Variants in ARHGAP15 observed in about 807,000 individuals in gnomAD.
The protein encoded by ARHGAP15 is Rho GTPase activating protein 15.
A neutral mutation model predicts 63.7 loss-of-function variants in ARHGAP15; 51 were observed. The observed-to-expected ratio is 0.80, with a 90% CI of 0.64 to 1.01. The LOEUF is 1.01. Ranked by LOEUF, ARHGAP15 falls within the 50% of genes least tolerant of loss-of-function variation. The pLI, the probability that ARHGAP15 is intolerant of heterozygous loss-of-function variation, is 0.00. For missense variants in ARHGAP15, 560 were observed against 564.6 expected (o/e 0.99, Z 0.08); for synonymous variants, 191 against 193.8 (o/e 0.99, Z 0.12).
At chr2:143,273,691 T>C (rs1461502220) in intron 6 of ARHGAP15, among the ~76,000 whole-genome samples, 1 of 152,160 alleles carries the variant, frequency 6.6e-6, no homozygotes, top group East Asian at 1.9e-4. Context: ...ATTTGTACAA[T>C]TTTTTAATTT....
intron 11 of ARHGAP15, chr2:143,607,559 G>A (rs1445097141): frequency 6.6e-6 from 1 of 151,684 alleles, no homozygotes; most frequent in African/African-American, 2.4e-5. Flanking sequence ...GAGAGAGAGA[G>A]AGAGAGAGAG....
intron 2 of ARHGAP15, among the ~76,000 whole-genome samples, chr2:143,181,831 C>T (rs1691246087): frequency 6.6e-6 from 1 of 152,152 alleles, no homozygotes; most frequent in South Asian, 2.1e-4. Context: ...TTTTAATTTC[C>T]TTCAATAACT....
chr2:143,402,712 A>G (rs1032282933), intron 6 of ARHGAP15, among the ~76,000 whole-genome samples: 15 of 151,866 alleles, frequency 9.9e-5, no homozygotes, highest in African/African-American at 3.4e-4. Flanking sequence ...AAAAAGATTT[A>G]CAAAATCACA....
chr2:143,639,092 C>T (rs1680483133), intron 12 of ARHGAP15, among the ~76,000 whole-genome samples: 1 of 151,960 alleles, frequency 6.6e-6, no homozygotes, highest in East Asian at 1.9e-4. Flanking sequence ...TACTCTTAAC[C>T]ACACAACTGT....
intron 12 of ARHGAP15, among the ~76,000 whole-genome samples, chr2:143,669,892 G>A (rs745829040): frequency 3.9e-5 from 6 of 152,152 alleles, no homozygotes; most frequent in Non-Finnish European, 8.8e-5. Context: ...CAAAATGGAG[G>A]CAAAAGGGCA....
intron 6 of ARHGAP15, among the ~76,000 whole-genome samples, chr2:143,399,388 C>A (rs958678344): frequency 6.6e-6 from 1 of 151,822 alleles, no homozygotes; most frequent in Admixed American, 6.6e-5. Flanking sequence ...CCCTTCTTGG[C>A]AGCTTTGCTT....
At chr2:143,468,417 G>T (rs1456224465) in intron 8 of ARHGAP15, among the ~76,000 whole-genome samples, 3 of 152,046 alleles carry the variant, frequency 2.0e-5, no homozygotes, top group Non-Finnish European at 4.4e-5. Context: ...TGAACATAAG[G>T]TGAATATGGC....
intron 12 of ARHGAP15, among the ~76,000 whole-genome samples, chr2:143,682,474 G>C (rs557639684): frequency 6.6e-6 from 1 of 152,076 alleles, no homozygotes; most frequent in Non-Finnish European, 1.5e-5. Context: ...GCAAAAACAT[G>C]ATTACATATA....
At chr2:143,662,297 C>A (rs1242024889) in intron 12 of ARHGAP15, among the ~76,000 whole-genome samples, 1 of 150,192 alleles carries the variant, frequency 6.7e-6, no homozygotes, top group African/African-American at 2.4e-5. Flanking sequence ...CACCCCCCAG[C>A]AGGGGCACAC....
intron 11 of ARHGAP15, among the ~76,000 whole-genome samples, chr2:143,591,164 G>T (rs1430305052): frequency 6.6e-6 from 1 of 152,020 alleles, no homozygotes; most frequent in Non-Finnish European, 1.5e-5. Flanking sequence ...TATACATTTG[G>T]TGCTTAACTC....
intron 6 of ARHGAP15, among the ~76,000 whole-genome samples, chr2:143,319,201 C>A (rs892882330): frequency 3.3e-5 from 5 of 150,518 alleles, no homozygotes; most frequent in African/African-American, 9.8e-5. Context: ...TTGTGCATGG[C>A]AAAAGATTTT....
intron 8 of ARHGAP15, among the ~76,000 whole-genome samples, chr2:143,473,110 AT>A (rs1691658842): frequency 6.6e-6 from 1 of 152,230 alleles, no homozygotes; most frequent in South Asian, 2.1e-4. Context: ...TTCCAACAAC[AT>A]TTTATTTCTT....
intron 8 of ARHGAP15, among the ~76,000 whole-genome samples, chr2:143,463,832 T>A (rs574750952): frequency 1.6e-4 from 25 of 152,336 alleles, no homozygotes; most frequent in African/African-American, 5.8e-4. Context: ...ATTGAATGAC[T>A]AGGCTATATA....
In ARHGAP15 at chr2:143,442,658, TA is replaced by T. The variant is rs1487791819; in HGVS notation, c.703+5617del. Among the ~76,000 whole-genome samples, 4 of 152,132 alleles carry T rather than the reference TA, an allele frequency of 2.6e-5. No individual in the cohort carries two copies. The East Asian group carries it at 7.7e-4, about 29-fold the overall frequency. On this transcript the variant is annotated intron_variant, in intron 8 of 13. Transcript: ENST00000295095. ...CAAGACAGATGTTCTTTGTAAAAAGTATGTGTAATGACAGATTAAGTCTGGA... is the reference window on the plus strand; with the variant it reads ...CAAGACAGATGTTCTTTGTAAAAAGTTGTGTAATGACAGATTAAGTCTGGA...
chr2:143,288,794 T>A (rs1038844239), intron 6 of ARHGAP15, among the ~76,000 whole-genome samples: 6 of 151,842 alleles, frequency 4.0e-5, no homozygotes, highest in Admixed American at 6.6e-5. Context: ...GCTGCTGCCT[T>A]TGTTCTCGGG....
rs539826950 is a variant in ARHGAP15 at position 143,367,583 on chromosome 2, A to G, written c.475-68018A>G. On this transcript the variant is annotated intron_variant, in intron 6 of 13. Coordinates refer to ENST00000295095, the MANE Select transcript of ARHGAP15 (RefSeq NM_018460.4). ...ATTGCCTTTGGGCATACATTAATTT[A>G]TCTTTCAGGATTTTCCATTTACTCT... 2.6e-5 allele frequency among the ~76,000 whole-genome samples: 4 copies of G among 152,126 alleles called. No homozygotes were observed. In the South Asian group the frequency reaches 6.2e-4, roughly 24 times the overall value.
In ARHGAP15 at chr2:143,469,142, A is replaced by C. The variant is rs188292697; in HGVS notation, c.704-18231A>C. On this transcript the variant is annotated intron_variant, in intron 8 of 13. Transcript: ENST00000295095. ...GAAGCTTTATAACTGTCTCAAGCAC[A>C]GACTATAAACTTCAAATACCCAGGA... Among the ~76,000 whole-genome samples the C allele has an allele frequency of 1.2e-4, 19 of 152,318 alleles. No homozygotes were observed. In the East Asian group the frequency reaches 3.7e-3, roughly 29 times the overall value.
chr2:143,286,965 T>A (rs1383197381), intron 6 of ARHGAP15, among the ~76,000 whole-genome samples: 3 of 152,122 alleles, frequency 2.0e-5, no homozygotes, highest in Non-Finnish European at 4.4e-5. Context: ...GCCAAAACAT[T>A]GTTATGTGGC....
chr2:143,197,219 C>G (rs1164015325), intron 2 of ARHGAP15, among the ~76,000 whole-genome samples: 3 of 151,854 alleles, frequency 2.0e-5, no homozygotes, highest in African/African-American at 7.2e-5. Context: ...ATTTTGATCA[C>G]TTACTATTAG....
Sources: allele counts gnomAD v4.1 joint callset (sites outside exome capture counted in the v4.1 genomes callset), GRCh38; gene constraint gnomAD v4.1.1; transcripts MANE v1.5; gene names NCBI Gene and HGNC (gene_info 2026-07-23, HGNC 2026-07-21).